The following TPST1 variants were observed in gnomAD, a reference collection of about 807,000 sequenced individuals.
TPST1 encodes protein-tyrosine sulfotransferase 1.
TPST1 carries 20 observed loss-of-function variants against 34.8 expected under a neutral mutation model. The ratio of observed to expected loss-of-function variants is 0.57; its 90% CI spans 0.40 to 0.84. The LOEUF is 0.84. TPST1 is among the 40% of genes least tolerant of loss of function. The pLI, the probability that TPST1 is intolerant of heterozygous loss-of-function variation, is 0.00. For missense variants in TPST1, 353 were observed against 455.5 expected (o/e 0.78, Z 2.05); for synonymous variants, 152 against 159.4 (o/e 0.95, Z 0.35).
At position 66,240,183 on chromosome 7, in the gene TPST1, G is replaced by A. The variant is rs192777932; in HGVS notation, c.-101-142G>A. On this transcript the variant is annotated intron_variant, in intron 1 of 5. Transcript: ENST00000304842. Reference sequence around the variant, plus strand: ...ATTACAGGTGTGAGCCACCGCGCCCGGTCTCAATTTTGTTTTAAGAATATC... The same window carrying A: ...ATTACAGGTGTGAGCCACCGCGCCCAGTCTCAATTTTGTTTTAAGAATATC... The A allele has an allele frequency of 1.7e-3, 822 of 475,184 alleles. 5 individuals carry two copies. Among genetic ancestry groups the A allele is most frequent in the South Asian group, 4.5e-3 (173 of 38,158 alleles). 29.4% of individuals were successfully genotyped at this position (475,184 alleles called of 1,614,324 possible).
chr7:66,299,204 A>G (rs1397931999), intron 3 of TPST1, among the ~76,000 whole-genome samples: 5 of 150,810 alleles, frequency 3.3e-5, no homozygotes, highest in African/African-American at 9.8e-5. Flanking sequence ...TTACTTGAAG[A>G]TCCAGATTTT....
intron 2 of TPST1, among the ~76,000 whole-genome samples, chr7:66,243,038 T>TA (rs1790069015): frequency 6.6e-6 from 1 of 152,160 alleles, no homozygotes; most frequent in African/African-American, 2.4e-5. Context: ...AGTTTGGGGC[T>TA]ATTATGGATC....
chr7:66,252,311 G>A lies in TPST1; in HGVS notation c.845+11041G>A, dbSNP rs573853265. 1.6e-4 allele frequency among the ~76,000 whole-genome samples: 24 copies of A among 149,790 alleles called. No individual in the cohort carries two copies. In the South Asian group the frequency reaches 5.1e-3, roughly 32 times the overall value. On this transcript the variant is annotated intron_variant, in intron 2 of 5. Transcript: ENST00000304842. ...CTGACCTCGTGATCTACCCGCCTCGGCCTCCCAAAGTGCTGGGATTACAGG... is the reference window on the plus strand; with the variant it reads ...CTGACCTCGTGATCTACCCGCCTCGACCTCCCAAAGTGCTGGGATTACAGG...
chr7:66,248,981 G>C (rs1321430085), intron 2 of TPST1, among the ~76,000 whole-genome samples: 1 of 151,986 alleles, frequency 6.6e-6, no homozygotes, highest in Admixed American at 6.6e-5. Context: ...TCTAGTAAGG[G>C]CCTGCTGTCT....
intron 3 of TPST1, among the ~76,000 whole-genome samples, chr7:66,342,427 G>T (rs75595709): frequency 0.011 from 1,695 of 152,300 alleles, 15 homozygotes; most frequent in Non-Finnish European, 0.017. Context: ...GCAATGGTTT[G>T]CTCTCAAAGT....
At position 66,272,745 on chromosome 7, in the gene TPST1, C is replaced by T. The variant is rs1377687682; in HGVS notation, c.846-13766C>T. Among the ~76,000 whole-genome samples, 5 of 152,016 alleles carry T rather than the reference C, an allele frequency of 3.3e-5. 1 individual carries two copies. The highest frequency in any genetic ancestry group is 7.4e-5 in the Non-Finnish European group (5 of 67,996). The stretch of plus-strand genomic sequence containing the variant: ...GGGACTACAGGCACATACCCTCATG[C>T]CTGGCTAATTTTTGTATATTTTATA... On this transcript the variant is annotated intron_variant, in intron 2 of 5. Transcript: ENST00000304842.
intron 2 of TPST1, among the ~76,000 whole-genome samples, chr7:66,252,623 G>A (rs1345679627): frequency 2.0e-5 from 3 of 152,122 alleles, no homozygotes; most frequent in Non-Finnish European, 4.4e-5. Flanking sequence ...GTGAGCCACC[G>A]TGCCCGGCCA....
At chr7:66,278,355 G>A (rs765371200) in intron 2 of TPST1, among the ~76,000 whole-genome samples, 2 of 152,058 alleles carry the variant, frequency 1.3e-5, no homozygotes, top group Admixed American at 6.6e-5. Context: ...TGAGGCTGCC[G>A]TGCGGGTAAG....
Position 66,316,364 on chromosome 7 carries a change from A to G in TPST1, c.1044+29655A>G, listed in dbSNP as rs140666132. Among the ~76,000 whole-genome samples, 9 of 152,334 alleles carry G rather than the reference A, an allele frequency of 5.9e-5. No homozygotes were observed. The East Asian group carries it at 1.4e-3, about 23-fold the overall frequency. On this transcript the variant is annotated intron_variant, in intron 3 of 5. Coordinates refer to ENST00000304842, the MANE Select transcript of TPST1 (RefSeq NM_003596.4). ...ATCTAAGACGGGTCAGTTTTTGTGAATCTTACTGTGTGTGTGTTCCTGAGA... is the reference window on the plus strand; with the variant it reads ...ATCTAAGACGGGTCAGTTTTTGTGAGTCTTACTGTGTGTGTGTTCCTGAGA...
intron 3 of TPST1, among the ~76,000 whole-genome samples, chr7:66,301,785 T>A (rs146298976): frequency 1.5e-3 from 235 of 152,254 alleles, no homozygotes; most frequent in African/African-American, 5.4e-3. Flanking sequence ...CATGGTAACA[T>A]CAAAGATCTC....
intron 2 of TPST1, among the ~76,000 whole-genome samples, chr7:66,250,403 A>C: frequency 6.6e-6 from 1 of 152,234 alleles, no homozygotes; most frequent in Non-Finnish European, 1.5e-5. Context: ...AAGACAAACT[A>C]AAACAGTGTG....
At chr7:66,318,133 C>T (rs779797991) in intron 3 of TPST1, among the ~76,000 whole-genome samples, 4 of 151,962 alleles carry the variant, frequency 2.6e-5, no homozygotes, top group Non-Finnish European at 4.4e-5. Context: ...ACTCGAGCCT[C>T]GGCGACAGAG....
chr7:66,284,753 C>T (rs1346654655), intron 2 of TPST1, among the ~76,000 whole-genome samples: 13 of 152,104 alleles, frequency 8.5e-5, no homozygotes, highest in East Asian at 1.9e-4. Context: ...GATGGGATTT[C>T]GCCATGTTGG....
chr7:66,275,524 A>G (rs1366549727), intron 2 of TPST1, among the ~76,000 whole-genome samples: 1 of 152,242 alleles, frequency 6.6e-6, no homozygotes, highest in Non-Finnish European at 1.5e-5. Context: ...TACATACACA[A>G]TGGAATACTA....
At position 66,243,169 on chromosome 7, in the gene TPST1, T is replaced by TTGTGTG. The variant is rs892467097; in HGVS notation, c.845+1913_845+1918dup. ...GGGGTGTGTGTGTGTGTGTGTGTGT[T>TTGTGTG]TGTGTGTGTGTGTGTGTGTTTAACA... On this transcript the variant is annotated intron_variant, in intron 2 of 5. Transcript: ENST00000304842. Among the ~76,000 whole-genome samples, 558 of 133,688 alleles carry TTGTGTG rather than the reference T, an allele frequency of 4.2e-3. 3 individuals carry two copies. The highest frequency in any genetic ancestry group is 0.014 in the African/African-American group (536 of 39,118). The allele number at this position is 133,688 out of a possible 152,430, so 87.7% of individuals were successfully genotyped here.
intron 3 of TPST1, among the ~76,000 whole-genome samples, chr7:66,340,524 TAAAC>T (rs1792216069): frequency 6.6e-6 from 1 of 152,198 alleles, no homozygotes; most frequent in African/African-American, 2.4e-5. Flanking sequence ...CTAGAACTGA[TAAAC>T]AAATTCACTT....
chr7:66,239,196 G>A (rs1294787431), intron 1 of TPST1, among the ~76,000 whole-genome samples: 1 of 152,122 alleles, frequency 6.6e-6, no homozygotes, highest in Non-Finnish European at 1.5e-5. Flanking sequence ...GTGTGGGCTG[G>A]TCTCGAACTC....
chr7:66,326,226 T>C (rs923677852), intron 3 of TPST1, among the ~76,000 whole-genome samples: 3 of 152,206 alleles, frequency 2.0e-5, no homozygotes, highest in African/African-American at 7.2e-5. Flanking sequence ...AATATAAAGA[T>C]GATTAAGACT....
chr7:66,316,084 T>C (rs963074013), intron 3 of TPST1, among the ~76,000 whole-genome samples: 26 of 149,754 alleles, frequency 1.7e-4, no homozygotes, highest in Non-Finnish European at 3.2e-4. Flanking sequence ...CACTCCAGCC[T>C]GGGCAACAAG....
Sources: allele counts gnomAD v4.1 joint callset (sites outside exome capture counted in the v4.1 genomes callset), GRCh38; gene constraint gnomAD v4.1.1; transcripts MANE v1.5; gene names NCBI Gene and HGNC (gene_info 2026-07-23, HGNC 2026-07-21).